Variants in LAPTM4B observed in about 807,000 individuals in gnomAD.
The protein encoded by LAPTM4B is lysosomal protein transmembrane 4 beta.
LAPTM4B carries 26 observed loss-of-function variants against 28.5 expected under a neutral mutation model. The observed-to-expected ratio is 0.91, with a 90% confidence interval of 0.67 to 1.27. The LOEUF (loss-of-function observed/expected upper bound fraction) is 1.27, where lower values mean the gene tolerates loss of function less well. LAPTM4B is among the 50% of genes most tolerant of loss of function. LAPTM4B has a pLI of 0.00. For synonymous variants in LAPTM4B, 109 were observed against 106.4 expected, an observed-to-expected ratio of 1.02 and a Z score of -0.15; for missense variants, 288 against 285.8, an observed-to-expected ratio of 1.01 and a Z score of -0.06.
intron 1 of LAPTM4B, among the ~76,000 whole-genome samples, chr8:97,785,025 A>C (rs192761792): frequency 1.3e-5 from 2 of 152,310 alleles, no homozygotes; most frequent in South Asian, 4.1e-4. Context: ...GATCAAGGGC[A>C]GTTCTATAGA....
At chr8:97,795,578 C>A (rs892558694) in intron 1 of LAPTM4B, among the ~76,000 whole-genome samples, 1 of 152,030 alleles carries the variant, frequency 6.6e-6, no homozygotes, top group African/African-American at 2.4e-5. Context: ...ACTGGCTGGG[C>A]GTGGTGGCTC....
chr8:97,835,121 T>C (rs1006810574), intron 6 of LAPTM4B, among the ~76,000 whole-genome samples: 1 of 152,218 alleles, frequency 6.6e-6, no homozygotes, highest in Non-Finnish European at 1.5e-5. Context: ...TGTTTCTCTT[T>C]TGTTCACATC....
intron 1 of LAPTM4B, among the ~76,000 whole-genome samples, chr8:97,798,424 C>T (rs2129755299): frequency 1.3e-5 from 2 of 152,032 alleles, no homozygotes; most frequent in South Asian, 4.2e-4. Flanking sequence ...AGGAAAATTC[C>T]ACACTGATTA....
chr8:97,788,213 A>G, intron 1 of LAPTM4B: 1 of 279,110 alleles, frequency 3.6e-6, no homozygotes, highest in Non-Finnish European at 7.1e-6. Flanking sequence ...TTCCTTATAG[A>G]TCCAGCTAGC....
At position 97,785,520 on chromosome 8, in the gene LAPTM4B, A is replaced by G. The variant is rs551917317; in HGVS notation, c.99+9412A>G. On this transcript the variant is annotated intron_variant, in intron 1 of 6. Coordinates refer to ENST00000521545, the MANE Select transcript of LAPTM4B (RefSeq NM_018407.6). ...AAAAGGAAGAAGCTGAGGCAAAATT[A>G]ATGTAAGTAGAGAGTTTATTTGGGC... is the stretch of plus-strand genomic sequence containing the variant. 2.0e-5 allele frequency among the ~76,000 whole-genome samples: 3 copies of G among 152,304 alleles called. No individual in the cohort carries two copies. In the East Asian group the frequency reaches 5.8e-4, roughly 29 times the overall value.
intron 5 of LAPTM4B, among the ~76,000 whole-genome samples, chr8:97,824,522 G>A (rs917110263): frequency 6.6e-6 from 1 of 152,014 alleles, no homozygotes. Flanking sequence ...AAGTATCGTC[G>A]TCGGATATTT....
In LAPTM4B at chr8:97,846,541, G is replaced by T. The variant is rs184415194; in HGVS notation, c.604-4856G>T. On this transcript the variant is annotated intron_variant, in intron 6 of 6. Transcript: ENST00000521545. ...GGGGTTTCTCCATGTTAGTCAGGCT[G>T]GTCTTGAACTCTCGACCTCAGGTGA... Among the ~76,000 whole-genome samples, 3 of 152,140 alleles carry T rather than the reference G, an allele frequency of 2.0e-5. No individual in the cohort carries two copies. In the East Asian group the frequency reaches 5.8e-4, roughly 29 times the overall value.
chr8:97,823,089 C>T (rs1468523707), intron 5 of LAPTM4B, among the ~76,000 whole-genome samples: 1 of 152,168 alleles, frequency 6.6e-6, no homozygotes, highest in Non-Finnish European at 1.5e-5. Flanking sequence ...GATCCGCCCA[C>T]CTCGGCCTCC....
chr8:97,840,346 A>G (rs1293114229), intron 6 of LAPTM4B, among the ~76,000 whole-genome samples: 1 of 152,256 alleles, frequency 6.6e-6, no homozygotes, highest in Non-Finnish European at 1.5e-5. Context: ...TAATTCAGAT[A>G]GCTCCTTTGC....
chr8:97,836,233 C>T (rs115660700), intron 6 of LAPTM4B, among the ~76,000 whole-genome samples: 4,294 of 152,208 alleles, frequency 0.028, 202 homozygotes, highest in African/African-American at 0.098. Flanking sequence ...GGCTGGAATA[C>T]ATAGGAGTGA....
At chr8:97,790,197 A>G (rs6985361) in intron 1 of LAPTM4B, among the ~76,000 whole-genome samples, 8,383 of 148,634 alleles carry the variant, frequency 0.056, 783 homozygotes, top group African/African-American at 0.19. Flanking sequence ...TTTTTTTTTG[A>G]TAAGCTTATT....
intron 6 of LAPTM4B, among the ~76,000 whole-genome samples, chr8:97,834,985 A>G (rs1272717253): frequency 1.3e-5 from 2 of 152,206 alleles, no homozygotes; most frequent in South Asian, 2.1e-4. Context: ...TACCATTATC[A>G]ATTAAGAAAA....
At chr8:97,814,930 T>C (rs559071736) in intron 2 of LAPTM4B, among the ~76,000 whole-genome samples, 2 of 152,276 alleles carry the variant, frequency 1.3e-5, no homozygotes, top group East Asian at 3.9e-4. Flanking sequence ...CCTGACCTCG[T>C]GATCGCCCTC....
intron 6 of LAPTM4B, among the ~76,000 whole-genome samples, chr8:97,845,336 A>G (rs1383711435): frequency 6.9e-6 from 1 of 145,096 alleles, no homozygotes; most frequent in Admixed American, 7.0e-5. Flanking sequence ...TTTTTTTTTG[A>G]TCCTAAGTTG....
chr8:97,850,087 T>A (rs541838263), intron 6 of LAPTM4B, among the ~76,000 whole-genome samples: 1 of 152,018 alleles, frequency 6.6e-6, no homozygotes, highest in Admixed American at 6.5e-5. Context: ...ACCTCTGTTC[T>A]AGCTTGTTCC....
chr8:97,817,445 C>CTT lies in LAPTM4B; in HGVS notation c.408+1284_408+1285dup, dbSNP rs753483537. 6.1e-3 allele frequency among the ~76,000 whole-genome samples: 541 copies of CTT among 88,950 alleles called. 18 individuals are homozygous for CTT. Among genetic ancestry groups the CTT allele is most frequent in the Middle Eastern group, 0.01 (1 of 98 alleles). 58.4% of individuals were successfully genotyped at this position (88,950 alleles called of 152,430 possible). On this transcript the variant is annotated intron_variant, in intron 4 of 6. Transcript: ENST00000521545. ...GACTCACTGTACCAGGCCAACTTTACTTTTTTTTTTTTTTTTTTTTGAGAC... is the reference window on the plus strand; with the variant it reads ...GACTCACTGTACCAGGCCAACTTTACTTTTTTTTTTTTTTTTTTTTTTGAGAC...
intron 6 of LAPTM4B, among the ~76,000 whole-genome samples, chr8:97,827,194 C>G (rs1817103233): frequency 6.6e-6 from 1 of 152,330 alleles, no homozygotes; most frequent in East Asian, 1.9e-4. Flanking sequence ...GGTTATTACC[C>G]TAGGTGTGTC....
At chr8:97,809,225 A>G (rs1816794373) in intron 2 of LAPTM4B, among the ~76,000 whole-genome samples, 2 of 152,220 alleles carry the variant, frequency 1.3e-5, no homozygotes. Context: ...GAACCATAGC[A>G]TTATCATTTA....
At position 97,825,139 on chromosome 8, in the gene LAPTM4B, A is replaced by G. The variant is rs200354688; in HGVS notation, c.589A>G (p.Ser197Gly). 1.4e-5 allele frequency: 22 copies of G among 1,592,966 alleles called. No homozygotes were observed. In the South Asian group the frequency reaches 1.5e-4, roughly 11 times the overall value. The change falls in exon 6 of 7, where the codon AGC (serine) becomes GGC (glycine). Residue 197 changes from serine to glycine, a missense_variant. Coordinates refer to ENST00000521545, the MANE Select transcript of LAPTM4B (RefSeq NM_018407.6). Reference protein sequence around the residue: ...NSSDVLVYVTSNDTTVLLPPY... With the variant: ...NSSDVLVYVTGNDTTVLLPPY... ...CTCTGATGTCCTGGTTTATGTTACC[A>G]GCAATGACACTACGGTAGGTATGAT...
Sources: allele counts gnomAD v4.1 joint callset (sites outside exome capture counted in the v4.1 genomes callset), GRCh38; gene constraint gnomAD v4.1.1; transcripts MANE v1.5; gene names NCBI Gene and HGNC (gene_info 2026-07-23, HGNC 2026-07-21).